MYO1B: variants seen among roughly 807,000 people sequenced by gnomAD.
The protein encoded by MYO1B is unconventional myosin-Ib.
In MYO1B, 72 loss-of-function variants were observed where a neutral mutation model predicts 159.7. The ratio of observed to expected loss-of-function variants is 0.45; its 90% CI spans 0.37 to 0.55. The LOEUF (loss-of-function observed/expected upper bound fraction) is 0.55. MYO1B is among the 20% of genes least tolerant of loss of function. The pLI, the probability that MYO1B is intolerant of heterozygous loss-of-function variation, is 0.00. For synonymous variants in MYO1B, 468 were observed against 473.8 expected (o/e 0.99, Z 0.16); for missense variants, 1,062 against 1,364.8 (o/e 0.78, Z 3.50).
At chr2:191,248,045 G>C in intron 1 of MYO1B, 1 of 984,424 alleles carries the variant, frequency 1.0e-6, no homozygotes, top group Non-Finnish European at 1.2e-6. Context: ...GGGATCTTCA[G>C]CATGTAGCAT....
chr2:191,391,096 G>A (rs1177063116), intron 18 of MYO1B, among the ~76,000 whole-genome samples: 1 of 152,210 alleles, frequency 6.6e-6, no homozygotes, highest in East Asian at 1.9e-4. Context: ...TGTCCTGTGA[G>A]CTCTCCACAG....
intron 6 of MYO1B, among the ~76,000 whole-genome samples, chr2:191,349,945 A>G (rs968161196): frequency 4.6e-5 from 7 of 152,234 alleles, no homozygotes; most frequent in African/African-American, 1.7e-4. Flanking sequence ...TTCCTAAATT[A>G]GCAGTGGGTT....
At chr2:191,368,693 C>G (rs1694167761) in intron 11 of MYO1B, among the ~76,000 whole-genome samples, 1 of 152,226 alleles carries the variant, frequency 6.6e-6, no homozygotes. Flanking sequence ...TTAGTGTGGC[C>G]AGGCATGGTG....
Position 191,312,375 on chromosome 2 carries a change from G to A in MYO1B, c.251+16149G>A, listed in dbSNP as rs567820552. Among the ~76,000 whole-genome samples the A allele has an allele frequency of 4.6e-5, 7 of 152,082 alleles. No individual in the cohort carries two copies. The East Asian group carries it at 7.7e-4, about 17-fold the overall frequency. On this transcript the variant is annotated intron_variant, in intron 3 of 30. Coordinates refer to ENST00000392318, the MANE Select transcript of MYO1B (RefSeq NM_001130158.3). ...TATTCAAATCCTGCTCATCTTTTGC[G>A]GTATATGGGAAACCACCTCCATTCT...
At chr2:191,263,261 T>C in intron 1 of MYO1B, 1 of 949,246 alleles carries the variant, frequency 1.1e-6, no homozygotes, top group Non-Finnish European at 1.3e-6. Context: ...TCTTATCTGC[T>C]TGCAAAATAT....
intron 3 of MYO1B, among the ~76,000 whole-genome samples, chr2:191,326,768 ATATGTGTGTGTGTGTGTGTG>A (rs1444238575): frequency 1.8e-5 from 2 of 109,122 alleles, no homozygotes; most frequent in African/African-American, 7.4e-5. Flanking sequence ...GTGTTTGTAT[ATATGTGTGTGTGTGTGTGTG>A]TGTGTGTGTG....
chr2:191,400,954 C>T (rs913829660), intron 23 of MYO1B, 119 bp downstream of exon 23: 2 of 932,076 alleles, frequency 2.1e-6, no homozygotes, highest in Non-Finnish European at 3.2e-6. Context: ...GGTGCATGTC[C>T]TAGCCGCCAG....
At chr2:191,371,494 A>G (rs1277123303) in intron 13 of MYO1B, among the ~76,000 whole-genome samples, 1 of 152,176 alleles carries the variant, frequency 6.6e-6, no homozygotes, top group Non-Finnish European at 1.5e-5. Flanking sequence ...CTCATGAAGT[A>G]GCTGTTATTA....
chr2:191,247,651 A>C (rs1685869113), intron 1 of MYO1B, among the ~76,000 whole-genome samples: 3 of 152,248 alleles, frequency 2.0e-5, no homozygotes, highest in Admixed American at 1.3e-4. Flanking sequence ...TTGTTGTCTT[A>C]CCATTTTGGA....
chr2:191,409,929 C>T (rs1039708013), intron 26 of MYO1B, among the ~76,000 whole-genome samples: 4 of 152,178 alleles, frequency 2.6e-5, no homozygotes, highest in African/African-American at 9.7e-5. Context: ...TAAATGAATG[C>T]TCAGTACACA....
At chr2:191,333,732 T>C (rs981272524) in intron 4 of MYO1B, among the ~76,000 whole-genome samples, 5 of 152,242 alleles carry the variant, frequency 3.3e-5, no homozygotes, top group Non-Finnish European at 7.3e-5. Flanking sequence ...CCTCTGTCTC[T>C]GTCTCTTAAC....
At chr2:191,401,768 G>A (rs1242107627) in intron 23 of MYO1B, 1 of 152,178 alleles carries the variant, frequency 6.6e-6, no homozygotes, top group African/African-American at 2.4e-5. Context: ...GAAAATCTGT[G>A]AAGAACAAAC....
At chr2:191,333,677 G>T (rs1691637952) in intron 4 of MYO1B, among the ~76,000 whole-genome samples, 2 of 151,966 alleles carry the variant, frequency 1.3e-5, no homozygotes, top group South Asian at 4.2e-4. Flanking sequence ...CCCAGTCTTT[G>T]CTTGTTCAAA....
At chr2:191,340,685 A>G (rs1352241979) in intron 4 of MYO1B, among the ~76,000 whole-genome samples, 2 of 151,926 alleles carry the variant, frequency 1.3e-5, no homozygotes, top group Non-Finnish European at 2.9e-5. Context: ...GTTGAAGAAT[A>G]ATGAATTTGG....
At chr2:191,413,605 T>C (rs931536957) in intron 27 of MYO1B, among the ~76,000 whole-genome samples, 4 of 152,348 alleles carry the variant, frequency 2.6e-5, no homozygotes, top group Admixed American at 6.5e-5. Flanking sequence ...AATTTTTCTT[T>C]AGAGCAGGTG....
chr2:191,280,403 CTT>C (rs1687988008), intron 2 of MYO1B, among the ~76,000 whole-genome samples: 1 of 152,216 alleles, frequency 6.6e-6, no homozygotes, highest in Non-Finnish European at 1.5e-5. Context: ...GACTTTGTGA[CTT>C]ACTGTCTGCT....
At chr2:191,246,557 C>T (rs1685806615) in intron 1 of MYO1B, among the ~76,000 whole-genome samples, 1 of 149,574 alleles carries the variant, frequency 6.7e-6, no homozygotes, top group African/African-American at 2.6e-5. Context: ...GAAGCCCCCC[C>T]CCCTTTTTTT....
rs199738105 is a variant in MYO1B, at chr2:191,386,032, A to G, written c.1502A>G (p.Asn501Ser). 61 of 1,614,008 alleles carry G rather than the reference A, an allele frequency of 3.8e-5. 1 individual carries two copies. Among genetic ancestry groups the G allele is most frequent in the African/African-American group, 2.1e-4 (16 of 74,920 alleles). ...SRMSKCSRFLNDTSLPHSCFR... is the reference protein window; with the variant it reads ...SRMSKCSRFLSDTSLPHSCFR... ...ATGAGCAAGTGCTCTCGGTTCCTCA[A>G]TGACACGTCTCTGCCTCACAGCTGC... Residue 501 changes from asparagine to serine, a missense_variant, in exon 16 of 31, where the codon AAT (asparagine) becomes AGT (serine). Physicochemically the swap from Asn to Ser is conservative, Grantham distance 46. Coordinates refer to ENST00000392318, the MANE Select transcript of MYO1B (RefSeq NM_001130158.3).
intron 15 of MYO1B, among the ~76,000 whole-genome samples, chr2:191,383,651 G>C (rs1301964616): frequency 1.3e-5 from 2 of 150,662 alleles, no homozygotes; most frequent in Admixed American, 6.6e-5. Flanking sequence ...TGGATGTTTT[G>C]ATACTTAGCC....
Sources: gnomAD v4.1 joint callset for allele counts (sites outside exome capture counted in the v4.1 genomes callset) on GRCh38, gnomAD v4.1.1 for gene constraint, MANE v1.5 for transcripts, NCBI Gene and HGNC (gene_info 2026-07-23, HGNC 2026-07-21) for gene names.